STOX2: variants seen among roughly 807,000 people sequenced by gnomAD.
The protein encoded by STOX2 is storkhead box 2, also known as storkhead-box protein 2.
A neutral mutation model predicts 60.9 loss-of-function variants in STOX2; 28 were observed. The observed-to-expected ratio is 0.46, with a 90% CI of 0.34 to 0.63. The LOEUF is 0.63. Among genes scored for constraint, STOX2 ranks in the 30% least tolerant of loss-of-function variants. STOX2 has a pLI of 0.01. For missense variants in STOX2, 1,024 were observed against 1,187.7 expected (o/e 0.86, Z 2.03); for synonymous variants, 472 against 463.9 (o/e 1.02, Z -0.22).
At chr4:183,931,952 A>T (rs1560889468) in intron 1 of STOX2, among the ~76,000 whole-genome samples, 1 of 152,178 alleles carries the variant, frequency 6.6e-6, no homozygotes, top group Non-Finnish European at 1.5e-5. Flanking sequence ...GCGGGCAAGA[A>T]GGGAGGCATG....
At chr4:183,813,424 A>G (rs892567162) in intron 1 of STOX2, among the ~76,000 whole-genome samples, 23 of 152,254 alleles carry the variant, frequency 1.5e-4, no homozygotes, top group Middle Eastern at 3.4e-3. Context: ...TCTAACAACT[A>G]TTTACATTGC....
At chr4:184,012,030 G>C (rs781308393) in intron 3 of STOX2, among the ~76,000 whole-genome samples, 6 of 152,198 alleles carry the variant, frequency 3.9e-5, no homozygotes, top group Non-Finnish European at 8.8e-5. Flanking sequence ...CCTGTGCTCT[G>C]TTAGATCAAA....
intron 1 of STOX2, among the ~76,000 whole-genome samples, chr4:183,895,280 T>C (rs1741315698): frequency 6.6e-6 from 1 of 152,212 alleles, no homozygotes; most frequent in South Asian, 2.1e-4. Flanking sequence ...TTTCCTTAGA[T>C]AGAATTCTTA....
chr4:183,963,376 C>T (rs1413699708), intron 1 of STOX2, among the ~76,000 whole-genome samples: 1 of 152,088 alleles, frequency 6.6e-6, no homozygotes, highest in Non-Finnish European at 1.5e-5. Context: ...TAATAGGAAA[C>T]AACATGTTGA....
At chr4:183,977,291 T>G (rs1732484268) in intron 1 of STOX2, among the ~76,000 whole-genome samples, 1 of 152,180 alleles carries the variant, frequency 6.6e-6, no homozygotes, top group South Asian at 2.1e-4. Context: ...TGAGACTGGC[T>G]TCTTTCACTG....
Position 183,906,929 on chromosome 4 carries a change from C to G in STOX2, c.139C>G (p.Gln47Glu). 1.3e-6 allele frequency: 2 copies of G among 1,548,906 alleles called. No individual in the cohort carries two copies. Among genetic ancestry groups the G allele is most frequent in the Non-Finnish European group, 1.7e-6 (2 of 1,145,290 alleles). Residue 47 changes from glutamine (Q) to glutamate (E), a missense_variant, in exon 1 of 4, where the codon CAG (glutamine) becomes GAG (glutamate). By Grantham distance (29) the Gln-to-Glu change is conservative (BLOSUM62 2). Around this residue, in one of 3 missense-constraint regions of STOX2, gnomAD observed 98 missense variants for 110.2 expected, o/e 0.89. Coordinates refer to ENST00000308497, the MANE Select transcript of STOX2 (RefSeq NM_020225.3). ...GCGTTTCCCCGCGGCCTTCGCGCCC[C>G]AGGCTTCGCGGGGCTACATGACATC... The part of the protein sequence containing the change: ...HKRFPAAFAP[Q>E]ASRGYMTSGD...
intron 1 of STOX2, among the ~76,000 whole-genome samples, chr4:183,937,638 A>C (rs996009117): frequency 1.3e-5 from 2 of 152,208 alleles, no homozygotes; most frequent in African/African-American, 4.8e-5. Context: ...CATTGAGCTC[A>C]TTCAGGTGTG....
rs1357460960 is a variant in STOX2, at chr4:183,905,716, T to A, written c.-1075T>A. 1.3e-5 allele frequency: 2 copies of A among 152,290 alleles called. No homozygotes were observed. The highest frequency in any genetic ancestry group is 2.9e-5 in the Non-Finnish European group (2 of 68,134). The allele number at this position is 152,290 out of a possible 1,614,324, so 9.4% of individuals were successfully genotyped here. ...GTGTTTTACATGAAAATGAGAAGCCTGATGGGAACCGCGTTCTAACTTAAG... is the reference window on the plus strand; with the variant it reads ...GTGTTTTACATGAAAATGAGAAGCCAGATGGGAACCGCGTTCTAACTTAAG... On this transcript the variant is annotated 5_prime_UTR_variant, in exon 1 of 4. Coordinates refer to ENST00000308497, the MANE Select transcript of STOX2 (RefSeq NM_020225.3).
upstream of STOX2, among the ~76,000 whole-genome samples, chr4:183,903,022 A>G (rs546687207): frequency 6.6e-6 from 1 of 152,358 alleles, no homozygotes; most frequent in East Asian, 1.9e-4. Flanking sequence ...AGTTTAATCA[A>G]GTGCGATTCA....
chr4:183,872,275 C>T (rs1267448766), intron 1 of STOX2, among the ~76,000 whole-genome samples: 1 of 152,110 alleles, frequency 6.6e-6, no homozygotes, highest in Non-Finnish European at 1.5e-5. Context: ...GGGCTAGTCT[C>T]GAACTTCTGA....
At chr4:183,883,670 G>A (rs1047951107) in intron 1 of STOX2, among the ~76,000 whole-genome samples, 6 of 151,846 alleles carry the variant, frequency 4.0e-5, no homozygotes, top group African/African-American at 9.7e-5. Context: ...TTTCCCTTTC[G>A]AAGAGGAAAC....
intron 1 of STOX2, among the ~76,000 whole-genome samples, chr4:183,826,038 A>G (rs1739423546): frequency 3.9e-5 from 6 of 152,076 alleles, no homozygotes; most frequent in Admixed American, 3.3e-4. Context: ...TTAGTGCACA[A>G]CAGACTCATC....
chr4:183,945,322 A>G (rs1274759919), intron 1 of STOX2, among the ~76,000 whole-genome samples: 1 of 152,228 alleles, frequency 6.6e-6, no homozygotes, highest in Non-Finnish European at 1.5e-5. Flanking sequence ...TGATTTTAAC[A>G]TGAGGGTACA....
At chr4:184,004,985 GTTCTGTCTCCCA>G (rs2111233731) in intron 2 of STOX2, among the ~76,000 whole-genome samples, 1 of 152,330 alleles carries the variant, frequency 6.6e-6, no homozygotes, top group African/African-American at 2.4e-5. Flanking sequence ...GATACACTGT[GTTCTGTCTCCCA>G]TTCGTCTCCT....
chr4:183,908,400 A>G (rs1399631631), intron 1 of STOX2, among the ~76,000 whole-genome samples: 1 of 152,200 alleles, frequency 6.6e-6, no homozygotes, highest in Non-Finnish European at 1.5e-5. Context: ...CTAAGTGTTC[A>G]GATAATCCTG....
At chr4:183,949,636 T>A (rs1396813097) in intron 1 of STOX2, among the ~76,000 whole-genome samples, 2 of 152,162 alleles carry the variant, frequency 1.3e-5, no homozygotes, top group African/African-American at 4.8e-5. Flanking sequence ...AGATGTAGGT[T>A]GCAGTGAGCC....
Position 184,021,373 on chromosome 4 carries a change from GC to G in STOX2, c.*4090del, listed in dbSNP as rs1393864919. On this transcript the variant is annotated 3_prime_UTR_variant, in exon 4 of 4. Coordinates refer to ENST00000308497, the MANE Select transcript of STOX2 (RefSeq NM_020225.3). Reference sequence around the variant, plus strand: ...ATCATGAGAAATCACAAAATACAATGCTATTTTTCTGATGTGTGCTAATAAA... The same window carrying G: ...ATCATGAGAAATCACAAAATACAATGTATTTTTCTGATGTGTGCTAATAAA... 1 of 151,762 alleles carries G rather than the reference GC, an allele frequency of 6.6e-6. No individual in the cohort carries two copies. The highest frequency in any genetic ancestry group is 1.5e-5 in the Non-Finnish European group (1 of 67,964). 9.4% of individuals were successfully genotyped at this position (151,762 alleles called of 1,614,324 possible).
chr4:183,895,358 G>A (rs1431626425), intron 1 of STOX2, among the ~76,000 whole-genome samples: 1 of 152,138 alleles, frequency 6.6e-6, no homozygotes, highest in African/African-American at 2.4e-5. Context: ...GAAGTCCACG[G>A]CCATTTGATG....
At position 184,010,425 on chromosome 4, in the gene STOX2, C is replaced by T. The variant is rs377710767; in HGVS notation, c.1587C>T (p.Asp529=). ...DDQTPSQSYI[D]DSTLRPAQTV... ...AGACCCCCAGCCAATCCTACATTGA[C>T]GACAGTACTTTAAGGCCTGCACAGA... Residue 529 remains aspartate, a synonymous_variant, in exon 3 of 4, where the codon GAC becomes GAT. Transcript: ENST00000308497. The surrounding 1 kb of genome is among the most constrained non-coding windows in gnomAD (Gnocchi z 4.5). 5.8e-5 allele frequency: 93 copies of T among 1,613,708 alleles called. No homozygotes were observed. Among genetic ancestry groups the T allele is most frequent in the East Asian group, 2.5e-4 (11 of 44,896 alleles).
Sources: gnomAD v4.1 joint callset for allele counts (sites outside exome capture counted in the v4.1 genomes callset) on GRCh38, gnomAD v4.1.1 for gene constraint, gnomAD v4.1.1 regional missense constraint, Gnocchi (gnomAD v3.1) non-coding constraint, MANE v1.5 for transcripts, NCBI Gene and HGNC (gene_info 2026-07-23, HGNC 2026-07-21) for gene names.